Variants in PRR16 observed in about 807,000 individuals in gnomAD.
The protein encoded by PRR16 is proline rich 16, also known as protein Largen.
A neutral mutation model predicts 18.2 loss-of-function variants in PRR16; 6 were observed. The ratio of observed to expected loss-of-function variants is 0.33; its 90% CI spans 0.18 to 0.65. PRR16 has a LOEUF of 0.65. PRR16 is among the 30% of genes least tolerant of loss of function. The pLI, the probability that PRR16 is intolerant of heterozygous loss-of-function variation, is 0.74. For synonymous variants in PRR16, 151 were observed against 147.8 expected, an observed-to-expected ratio of 1.02 and a Z score of -0.16; for missense variants, 412 against 376.6, an observed-to-expected ratio of 1.09 and a Z score of -0.78.
chr5:120,540,219 C>A (rs2112681276), intron 1 of PRR16, among the ~76,000 whole-genome samples: 1 of 152,302 alleles, frequency 6.6e-6, no homozygotes, highest in African/African-American at 2.4e-5. Context: ...AGCCTCCCTT[C>A]AGGCCAGGAC....
At chr5:120,777,631 A>G in the PRR16 span, among the ~76,000 whole-genome samples, 109 of 152,104 alleles carry the variant, frequency 7.2e-4, no homozygotes, top group African/African-American at 2.6e-3. Context: ...TAAAATTTCA[A>G]TATCTAGACT....
chr5:120,723,948 G>GA, the PRR16 span, among the ~76,000 whole-genome samples: 1 of 150,188 alleles, frequency 6.7e-6, no homozygotes, highest in East Asian at 2.0e-4. Context: ...ATAAGAAAAT[G>GA]AAAAAATACA....
In PRR16 at chr5:120,582,909, C is replaced by T. The variant is rs1029430959; in HGVS notation, c.160-103045C>T. Among the ~76,000 whole-genome samples, 10 of 152,306 alleles carry T rather than the reference C, an allele frequency of 6.6e-5. 1 individual carries two copies. The highest frequency in any genetic ancestry group is 5.2e-4 in the Admixed American group (8 of 15,306). ...TCTAAAGCAAGGTGGCTTGAAACAGCAATAATCACCTATAATCTCTAACAG... is the reference window on the plus strand; with the variant it reads ...TCTAAAGCAAGGTGGCTTGAAACAGTAATAATCACCTATAATCTCTAACAG... On this transcript the variant is annotated intron_variant, in intron 1 of 1. Coordinates refer to ENST00000407149, the MANE Select transcript of PRR16 (RefSeq NM_001300783.2).
intron 1 of PRR16, among the ~76,000 whole-genome samples, chr5:120,531,240 C>T (rs1751540517): frequency 6.6e-6 from 1 of 152,040 alleles, no homozygotes; most frequent in Non-Finnish European, 1.5e-5. Context: ...AGTTTTATGG[C>T]AAATGATAGG....
At chr5:120,478,353 T>G (rs1041544515) in intron 1 of PRR16, among the ~76,000 whole-genome samples, 2 of 152,196 alleles carry the variant, frequency 1.3e-5, no homozygotes, top group African/African-American at 4.8e-5. Flanking sequence ...CGGGAGCTCT[T>G]GTTTCTCCTA....
At chr5:120,556,415 T>C (rs1022609177) in intron 1 of PRR16, among the ~76,000 whole-genome samples, 2 of 151,800 alleles carry the variant, frequency 1.3e-5, no homozygotes, top group African/African-American at 4.8e-5. Context: ...ATAATTTCCG[T>C]GATCACAATC....
intron 1 of PRR16, among the ~76,000 whole-genome samples, chr5:120,494,878 A>T (rs2112833582): frequency 6.6e-6 from 1 of 152,174 alleles, no homozygotes; most frequent in South Asian, 2.1e-4. Flanking sequence ...TTGGTCCTTT[A>T]TAAAAAAATC....
chr5:120,469,047 A>G (rs1225153430), intron 1 of PRR16, among the ~76,000 whole-genome samples: 2 of 152,232 alleles, frequency 1.3e-5, no homozygotes, highest in African/African-American at 4.8e-5. Flanking sequence ...GAAAGCACCC[A>G]TAATTTGTCT....
chr5:120,669,419 A>T (rs888898147), intron 1 of PRR16, among the ~76,000 whole-genome samples: 3 of 151,972 alleles, frequency 2.0e-5, no homozygotes, highest in East Asian at 1.9e-4. Flanking sequence ...ATTGTTTTTT[A>T]AAAAAATCCT....
At chr5:120,503,106 TTCAATAAA>T (rs1300467850) in intron 1 of PRR16, among the ~76,000 whole-genome samples, 1 of 152,172 alleles carries the variant, frequency 6.6e-6, no homozygotes, top group East Asian at 1.9e-4. Context: ...TTGAAAGCCC[TTCAATAAA>T]TCAAAGAAAG....
intron 1 of PRR16, among the ~76,000 whole-genome samples, chr5:120,673,932 C>A (rs950533190): frequency 6.9e-6 from 1 of 144,706 alleles, no homozygotes; most frequent in Non-Finnish European, 1.5e-5. Context: ...TCCAGCCTGG[C>A]GACAGAGTGA....
chr5:120,658,891 T>C (rs1379434564), intron 1 of PRR16, among the ~76,000 whole-genome samples: 2 of 151,908 alleles, frequency 1.3e-5, no homozygotes, highest in Non-Finnish European at 2.9e-5. Context: ...ATTTCCTTCT[T>C]TTTTTATTTC....
At position 120,464,398 on chromosome 5, in the gene PRR16, G is replaced by A. The variant is rs1749008399; in HGVS notation, c.-89G>A. 7.1e-7 allele frequency: 1 copy of A among 1,408,540 alleles called. No homozygotes were observed. The highest frequency in any genetic ancestry group is 9.4e-7 in the Non-Finnish European group (1 of 1,063,038). 87.3% of individuals were successfully genotyped at this position (1,408,540 alleles called of 1,614,324 possible). A position where few individuals can be genotyped will look rare whatever the true frequency, so the allele number is the denominator to read the frequency against. On this transcript the variant is annotated 5_prime_UTR_variant, in exon 1 of 2. Transcript: ENST00000407149. ...GCCCAAGATGTGGGGGGACCGGGGC[G>A]GCAGCGGCCGTAGCAGCGCCAGGGA...
chr5:120,705,739 AGTAAGTG>A, the PRR16 span, among the ~76,000 whole-genome samples: 1 of 152,144 alleles, frequency 6.6e-6, no homozygotes, highest in Admixed American at 6.5e-5. Flanking sequence ...TATGAAAGAT[AGTAAGTG>A]TAAACAATTC....
At chr5:120,676,762 C>T (rs186485450) in intron 1 of PRR16, among the ~76,000 whole-genome samples, 2 of 152,150 alleles carry the variant, frequency 1.3e-5, no homozygotes, top group Non-Finnish European at 2.9e-5. Flanking sequence ...AAATATGATT[C>T]CTCTAGAAGT....
At chr5:120,510,165 TCTGA>T (rs2112855717) in intron 1 of PRR16, among the ~76,000 whole-genome samples, 1 of 152,334 alleles carries the variant, frequency 6.6e-6, no homozygotes, top group South Asian at 2.1e-4. Context: ...ATTAACTTAC[TCTGA>T]CTTAGTGTTA....
At chr5:120,763,618 T>C in the PRR16 span, among the ~76,000 whole-genome samples, 1 of 152,242 alleles carries the variant, frequency 6.6e-6, no homozygotes, top group African/African-American at 2.4e-5. Context: ...ATAAAAATTA[T>C]ACTTAATCTT....
intron 1 of PRR16, among the ~76,000 whole-genome samples, chr5:120,532,830 A>C (rs1751593672): frequency 6.6e-6 from 1 of 152,176 alleles, no homozygotes; most frequent in Non-Finnish European, 1.5e-5. Flanking sequence ...AACCTATCCC[A>C]AAAGCCATTT....
chr5:120,553,030 C>T (rs1259800211), intron 1 of PRR16, among the ~76,000 whole-genome samples: 1 of 151,596 alleles, frequency 6.6e-6, no homozygotes, highest in East Asian at 1.9e-4. Context: ...AGACTACTTC[C>T]CTTTAAATCA....
Sources: allele counts gnomAD v4.1 joint callset (sites outside exome capture counted in the v4.1 genomes callset), GRCh38; gene constraint gnomAD v4.1.1; transcripts MANE v1.5; gene names NCBI Gene and HGNC (gene_info 2026-07-23, HGNC 2026-07-21).